The following EEIG2 variants were observed in gnomAD, a reference collection of about 807,000 sequenced individuals.
EEIG2 encodes the protein family with sequence similarity 102 member B.
At chr1:108,560,427 C>A in the EEIG2 span, 4 of 1,602,280 alleles carry the variant, frequency 2.5e-6, no homozygotes, top group Non-Finnish European at 2.6e-6. Context: ...CTGGCTCTCA[C>A]GATGATGAAG....
At chr1:108,624,811 C>A in the EEIG2 span, 2 of 1,359,078 alleles carry the variant, frequency 1.5e-6, no homozygotes, top group Non-Finnish European at 2.1e-6. Context: ...CCTAAAAATT[C>A]TTTGGGAATT....
chr1:108,584,687 T>C, the EEIG2 span, among the ~76,000 whole-genome samples: 1 of 152,306 alleles, frequency 6.6e-6, no homozygotes, highest in South Asian at 2.1e-4. Context: ...TAACATTTTA[T>C]CTGCTATTTT....
the EEIG2 span, among the ~76,000 whole-genome samples, chr1:108,569,590 T>C: frequency 6.6e-6 from 1 of 152,226 alleles, no homozygotes; most frequent in Non-Finnish European, 1.5e-5. Flanking sequence ...CCTAAACTGC[T>C]GGGATTACAG....
the EEIG2 span, chr1:108,637,711 ACTAATGGTATTTCAAAG>A: frequency 3.9e-5 from 6 of 152,170 alleles, no homozygotes; most frequent in African/African-American, 1.4e-4. Context: ...AGAGAAAAAG[ACTAATGGTATTTCAAAG>A]CTGTGTATTT....
the EEIG2 span, among the ~76,000 whole-genome samples, chr1:108,561,148 T>C: frequency 6.6e-6 from 1 of 152,164 alleles, no homozygotes; most frequent in Non-Finnish European, 1.5e-5. Context: ...TGGCCACTAG[T>C]AGGTCTCCTT....
At chr1:108,576,147 C>T in the EEIG2 span, among the ~76,000 whole-genome samples, 1 of 152,222 alleles carries the variant, frequency 6.6e-6, no homozygotes, top group African/African-American at 2.4e-5. Flanking sequence ...GTGCCTGGCT[C>T]CTAATAAAGC....
the EEIG2 span, among the ~76,000 whole-genome samples, chr1:108,633,473 G>A: frequency 6.6e-6 from 1 of 151,884 alleles, no homozygotes. Context: ...AACTTTTTGT[G>A]GACACAAGGT....
chr1:108,585,024 G>A, the EEIG2 span, among the ~76,000 whole-genome samples: 817 of 152,164 alleles, frequency 5.4e-3, 6 homozygotes, highest in African/African-American at 0.018. Flanking sequence ...TATAATTTCT[G>A]TTAATAGAAA....
chr1:108,623,004 G>A, the EEIG2 span, among the ~76,000 whole-genome samples: 1 of 152,150 alleles, frequency 6.6e-6, no homozygotes, highest in Non-Finnish European at 1.5e-5. Flanking sequence ...GGAGGTCAAG[G>A]TGGAAGGATC....
chr1:108,633,176 T>G, the EEIG2 span, among the ~76,000 whole-genome samples: 1 of 152,228 alleles, frequency 6.6e-6, no homozygotes, highest in Non-Finnish European at 1.5e-5. Context: ...CACTATTGAT[T>G]GATACTGTTG....
the EEIG2 span, among the ~76,000 whole-genome samples, chr1:108,565,075 T>G: frequency 3.9e-5 from 6 of 152,372 alleles, no homozygotes; most frequent in Admixed American, 3.3e-4. Context: ...TTGTAATAAA[T>G]ATTATTAAAA....
chr1:108,600,191 TTAAC>T, the EEIG2 span, among the ~76,000 whole-genome samples: 1 of 152,222 alleles, frequency 6.6e-6, no homozygotes, highest in Non-Finnish European at 1.5e-5. Context: ...GCCTCTTGCA[TTAAC>T]TATGAATATA....
chr1:108,632,905 C>G, the EEIG2 span, among the ~76,000 whole-genome samples: 3 of 150,700 alleles, frequency 2.0e-5, no homozygotes, highest in Non-Finnish European at 2.9e-5. Context: ...GCTCAGCCTG[C>G]TGAGTAACTA....
the EEIG2 span, among the ~76,000 whole-genome samples, chr1:108,572,120 C>T: frequency 1.3e-5 from 2 of 152,182 alleles, no homozygotes; most frequent in African/African-American, 4.8e-5. Context: ...TCAGTATTTT[C>T]TCATTTGTAC....
the EEIG2 span, among the ~76,000 whole-genome samples, chr1:108,591,967 C>T: frequency 1.3e-5 from 2 of 152,298 alleles, no homozygotes; most frequent in East Asian, 3.9e-4. Flanking sequence ...TAAAGACAGA[C>T]AGGGGCTTAA....
chr1:108,600,911 C>T, the EEIG2 span, among the ~76,000 whole-genome samples: 32 of 152,088 alleles, frequency 2.1e-4, 1 homozygote, highest in Admixed American at 7.2e-4. Context: ...TGTCACTATA[C>T]GTATAAGTAT....
the EEIG2 span, chr1:108,612,156 A>G: frequency 6.5e-7 from 1 of 1,533,062 alleles, no homozygotes; most frequent in Non-Finnish European, 9.0e-7. Context: ...GTCTATTAAT[A>G]TAATTCTCTT....
chr1:108,635,228 C>T, the EEIG2 span: 3 of 1,566,716 alleles, frequency 1.9e-6, no homozygotes, highest in Admixed American at 3.4e-5. Context: ...TATTCAAGCA[C>T]TTAATAGAAA....
chr1:108,599,070 T>C, the EEIG2 span, among the ~76,000 whole-genome samples: 2 of 151,694 alleles, frequency 1.3e-5, no homozygotes, highest in African/African-American at 4.8e-5. Context: ...GAGGCTGAGG[T>C]GGGAAGATCT....
Sources: allele counts gnomAD v4.1 joint callset (sites outside exome capture counted in the v4.1 genomes callset), GRCh38; gene constraint gnomAD v4.1.1; transcripts MANE v1.5; gene names NCBI Gene and HGNC (gene_info 2026-07-23, HGNC 2026-07-21).